ADCY1: variants seen among roughly 807,000 people sequenced by gnomAD.
ADCY1 encodes the protein adenylate cyclase 1, also known as adenylate cyclase type 1.
Under a neutral mutation model 105.4 loss-of-function variants are expected in ADCY1, and 28 were observed. The ratio of observed to expected loss-of-function variants is 0.27; its 90% CI spans 0.20 to 0.36. ADCY1 has a LOEUF of 0.36. Ranked by LOEUF, ADCY1 falls within the 10% of genes least tolerant of loss-of-function variation. The pLI is 1.00. For synonymous variants in ADCY1, 655 were observed against 623.8 expected (o/e 1.05, Z -0.75); for missense variants, 977 against 1,434.2 (o/e 0.68, Z 5.15).
chr7:45,651,827 A>ATG (rs1389837195), intron 5 of ADCY1, among the ~76,000 whole-genome samples: 2 of 152,318 alleles, frequency 1.3e-5, no homozygotes, highest in Non-Finnish European at 1.5e-5. Context: ...TGCAGGTCAG[A>ATG]TGTGTCCCTT....
chr7:45,653,306 G>A (rs1638426580), intron 5 of ADCY1, among the ~76,000 whole-genome samples: 1 of 152,200 alleles, frequency 6.6e-6, no homozygotes, highest in African/African-American at 2.4e-5. Context: ...AGCCCACAGA[G>A]CATTGGAAAG....
intron 4 of ADCY1, among the ~76,000 whole-genome samples, chr7:45,635,601 GTTTTT>G (rs71030884): frequency 1.4e-4 from 8 of 57,204 alleles, no homozygotes; most frequent in East Asian, 1.4e-3. Context: ...AATTTCTCTT[GTTTTT>G]TTTTTTTTTT....
At chr7:45,612,863 C>T (rs1793628057) in intron 3 of ADCY1, among the ~76,000 whole-genome samples, 1 of 152,144 alleles carries the variant, frequency 6.6e-6, no homozygotes, top group South Asian at 2.1e-4. Flanking sequence ...CCCCTACTCA[C>T]CCCCTTCCCA....
chr7:45,694,112 T>TAAAAAAA (rs1179413059), intron 14 of ADCY1, among the ~76,000 whole-genome samples: 3 of 31,776 alleles, frequency 9.4e-5, no homozygotes, highest in African/African-American at 8.8e-5. Flanking sequence ...ACTTAGAGTA[T>TAAAAAAA]AATAAAAAAA....
At chr7:45,654,553 C>T (rs962234729) in intron 5 of ADCY1, among the ~76,000 whole-genome samples, 1 of 152,226 alleles carries the variant, frequency 6.6e-6, no homozygotes, top group Non-Finnish European at 1.5e-5. Flanking sequence ...CCTTGTCTGC[C>T]TGGCACTTGG....
chr7:45,585,099 G>C (rs1792676259), intron 1 of ADCY1, among the ~76,000 whole-genome samples: 1 of 152,206 alleles, frequency 6.6e-6, no homozygotes, highest in African/African-American at 2.4e-5. Context: ...GAGTGCCTTT[G>C]CCTTCATTCC....
intron 4 of ADCY1, among the ~76,000 whole-genome samples, chr7:45,644,680 C>A (rs1478611698): frequency 1.3e-5 from 2 of 152,200 alleles, no homozygotes; most frequent in Admixed American, 6.5e-5. Context: ...CTTCTTCTTT[C>A]TTCTTTTGGA....
At chr7:45,617,157 T>A (rs1793760057) in intron 3 of ADCY1, among the ~76,000 whole-genome samples, 1 of 152,214 alleles carries the variant, frequency 6.6e-6, no homozygotes, top group Non-Finnish European at 1.5e-5. Flanking sequence ...GATCCAGCAG[T>A]GCCAGTCCTA....
chr7:45,679,846 G>A, intron 11 of ADCY1, 53 bp downstream of exon 11: 1 of 1,592,216 alleles, frequency 6.3e-7, no homozygotes, highest in Non-Finnish European at 8.6e-7. Context: ...TCATGTATGT[G>A]AGTGGCCTGT....
chr7:45,597,451 TC>T (rs1793108352), intron 2 of ADCY1, among the ~76,000 whole-genome samples: 1 of 152,238 alleles, frequency 6.6e-6, no homozygotes, highest in Non-Finnish European at 1.5e-5. Flanking sequence ...CCTCTCAATT[TC>T]CTGGCTTATG....
intron 8 of ADCY1, among the ~76,000 whole-genome samples, chr7:45,677,586 T>C (rs1307664404): frequency 6.6e-6 from 1 of 152,222 alleles, no homozygotes; most frequent in Non-Finnish European, 1.5e-5. Flanking sequence ...ACTGGGATGC[T>C]GTTCTCCCCA....
Position 45,708,614 on chromosome 7 carries a change from C to T in ADCY1, c.2932+150C>T, listed in dbSNP as rs945686386. On this transcript the variant is annotated intron_variant, in intron 18 of 19. Coordinates refer to ENST00000297323, the MANE Select transcript of ADCY1 (RefSeq NM_021116.4). The surrounding 1 kb of genome is among the most constrained non-coding windows in gnomAD (Gnocchi z 4.7). ...CATGGGGACCTGTGTACCGAGTTGCCCCTGGAAGCTGCTGGTGGAAGGTGA... is the reference window on the plus strand; with the variant it reads ...CATGGGGACCTGTGTACCGAGTTGCTCCTGGAAGCTGCTGGTGGAAGGTGA... 1.1e-5 allele frequency: 7 copies of T among 611,734 alleles called. No homozygotes were observed. Among genetic ancestry groups the T allele is most frequent in the Non-Finnish European group, 2.1e-5 (7 of 338,924 alleles). 37.9% of individuals were successfully genotyped at this position (611,734 alleles called of 1,614,324 possible).
chr7:45,705,382 T>G (rs1274525780), intron 17 of ADCY1, among the ~76,000 whole-genome samples: 2 of 152,342 alleles, frequency 1.3e-5, no homozygotes, highest in South Asian at 4.1e-4. Flanking sequence ...TAAAACTGCA[T>G]TGGATTTTTT....
chr7:45,658,875 G>A (rs905633406), intron 6 of ADCY1, among the ~76,000 whole-genome samples: 27 of 152,210 alleles, frequency 1.8e-4, no homozygotes, highest in Non-Finnish European at 7.4e-5. Flanking sequence ...GAGGCTTGCC[G>A]TGAGCGCCCT....
chr7:45,703,322 A>G lies in ADCY1; in HGVS notation c.2455-54A>G. The G allele has an allele frequency of 6.5e-7, 1 of 1,544,066 alleles. No homozygotes were observed. Among genetic ancestry groups the G allele is most frequent in the Non-Finnish European group, 8.9e-7 (1 of 1,117,364 alleles). On this transcript the variant is annotated intron_variant, in intron 14 of 19. Transcript: ENST00000297323. This position sits in a 1 kb window ranked among gnomAD's most constrained non-coding sequence, Gnocchi z 5.9. ...GATTAGAAGGAAGTGTGCGGTGGGA[A>G]CAAGTGAAGGCAGCGTGAGTGGATG...
At chr7:45,650,498 C>A (rs1231311352) in intron 5 of ADCY1, among the ~76,000 whole-genome samples, 2 of 152,244 alleles carry the variant, frequency 1.3e-5, no homozygotes, top group East Asian at 3.9e-4. Context: ...GTGAAGCCCC[C>A]ACTCGGTGCT....
chr7:45,707,216 T>C (rs539243940), intron 17 of ADCY1, among the ~76,000 whole-genome samples: 1 of 152,292 alleles, frequency 6.6e-6, no homozygotes, highest in Admixed American at 6.5e-5. Context: ...TATATCCAAA[T>C]GAAATGAGAA....
chr7:45,636,650 C>T (rs1359507133), intron 4 of ADCY1, among the ~76,000 whole-genome samples: 3 of 152,210 alleles, frequency 2.0e-5, no homozygotes, highest in African/African-American at 7.2e-5. Context: ...AAGAGATTCT[C>T]CTGCCTCAAC....
upstream of ADCY1, chr7:45,574,230 G>A (rs899342344): frequency 7.5e-5 from 63 of 839,386 alleles, no homozygotes; most frequent in Middle Eastern, 4.8e-3. This position sits in a 1 kb window ranked among gnomAD's most constrained non-coding sequence, Gnocchi z 7.0. Flanking sequence ...CGGGAACGCA[G>A]GACGCGGAGT....
Sources: allele counts gnomAD v4.1 joint callset (sites outside exome capture counted in the v4.1 genomes callset), GRCh38; gene constraint gnomAD v4.1.1; non-coding constraint Gnocchi (gnomAD v3.1); transcripts MANE v1.5; gene names NCBI Gene and HGNC (gene_info 2026-07-23, HGNC 2026-07-21).